The following FRMD4B variants were observed in gnomAD, a reference collection of about 807,000 sequenced individuals.
FRMD4B encodes the protein FERM domain-containing protein 4B.
Under a neutral mutation model 141.5 loss-of-function variants are expected in FRMD4B, and 74 were observed. The ratio of observed to expected loss-of-function variants is 0.52; its 90% CI spans 0.43 to 0.63. FRMD4B has a LOEUF of 0.63. Ranked by LOEUF, FRMD4B falls within the 30% of genes least tolerant of loss-of-function variation. The pLI, the probability that FRMD4B is intolerant of heterozygous loss-of-function variation, is 0.00. For missense variants in FRMD4B, 1,366 were observed against 1,253.4 expected (o/e 1.09, Z -1.36); for synonymous variants, 506 against 467.9 (o/e 1.08, Z -1.05).
At chr3:69,365,426 T>A (rs956115721) in intron 1 of FRMD4B, among the ~76,000 whole-genome samples, 3 of 152,224 alleles carry the variant, frequency 2.0e-5, no homozygotes, top group Non-Finnish European at 4.4e-5. Flanking sequence ...CAGACTGGTA[T>A]AAATCAAAGT....
intron 1 of FRMD4B, chr3:69,541,075 G>C (rs942380355): frequency 6.6e-6 from 1 of 152,160 alleles, no homozygotes; most frequent in Non-Finnish European, 1.5e-5. Context: ...CTTTAGGACG[G>C]GAAACAGCAC....
chr3:69,406,072 C>T (rs991615345), intron 2 of FRMD4B, among the ~76,000 whole-genome samples: 2 of 152,120 alleles, frequency 1.3e-5, no homozygotes, highest in South Asian at 4.1e-4. Flanking sequence ...TTACTGGGGT[C>T]CCATGAATCT....
intron 1 of FRMD4B, chr3:69,536,063 T>C: frequency 4.6e-6 from 2 of 431,862 alleles, no homozygotes; most frequent in South Asian, 4.1e-5. Flanking sequence ...CTTCCTAGCC[T>C]CACCGGGCTG....
intron 1 of FRMD4B, among the ~76,000 whole-genome samples, chr3:69,347,328 G>A (rs1160400988): frequency 1.3e-5 from 2 of 152,232 alleles, no homozygotes; most frequent in Admixed American, 6.5e-5. Context: ...CCAGATTCAT[G>A]AAGCAAGTCC....
Position 69,384,508 on chromosome 3 carries a change from A to C in FRMD4B, c.162+1320T>G, listed in dbSNP as rs1017243415. On this transcript the variant is annotated intron_variant, in intron 1 of 22. Transcript: ENST00000398540. ...AGAGGAAAAAAAAGGCTTGAAAGAC[A>C]GACACACTTCTGGCTCCAAAAAGCC... Among the ~76,000 whole-genome samples the C allele has an allele frequency of 4.7e-4, 72 of 152,392 alleles. 1 individual carries two copies. The highest frequency in any genetic ancestry group is 1.6e-3 in the African/African-American group (67 of 41,598).
intron 1 of FRMD4B, among the ~76,000 whole-genome samples, chr3:69,329,467 A>G (rs1702293772): frequency 6.8e-6 from 1 of 148,146 alleles, no homozygotes; most frequent in Non-Finnish European, 1.5e-5. Flanking sequence ...CTCCTACCTC[A>G]GCCTCCCAAG....
At chr3:69,536,229 T>A in intron 1 of FRMD4B, 1 of 602,246 alleles carries the variant, frequency 1.7e-6, no homozygotes. Flanking sequence ...CTTGGTTTCT[T>A]GGCGTCCTTC....
At chr3:69,199,823 C>T (rs529993040) in intron 11 of FRMD4B, among the ~76,000 whole-genome samples, 1 of 152,196 alleles carries the variant, frequency 6.6e-6, no homozygotes, top group African/African-American at 2.4e-5. Flanking sequence ...TGATAGAAAG[C>T]AGCTCATTCA....
At chr3:69,389,720 G>A (rs1353938973), upstream of FRMD4B, among the ~76,000 whole-genome samples, 1 of 152,100 alleles carries the variant, frequency 6.6e-6, no homozygotes, top group Non-Finnish European at 1.5e-5. Context: ...ACTGCAGTGG[G>A]TGGCAACTGA....
At chr3:69,206,599 C>T (rs2093026424) in intron 11 of FRMD4B, among the ~76,000 whole-genome samples, 1 of 152,184 alleles carries the variant, frequency 6.6e-6, no homozygotes, top group African/African-American at 2.4e-5. Context: ...GTATTTGATG[C>T]CACCAGGGCT....
chr3:69,351,195 T>C (rs1703137664), intron 1 of FRMD4B, among the ~76,000 whole-genome samples: 4 of 152,182 alleles, frequency 2.6e-5, no homozygotes, highest in Admixed American at 2.6e-4. Context: ...CATATATTAA[T>C]GTATAGTTTA....
intron 7 of FRMD4B, among the ~76,000 whole-genome samples, chr3:69,240,765 G>A (rs2093376555): frequency 6.6e-6 from 1 of 152,164 alleles, no homozygotes; most frequent in Admixed American, 6.6e-5. Context: ...TATGTGTTAT[G>A]TTATCACTTA....
chr3:69,221,475 A>C (rs1354549155), intron 9 of FRMD4B, among the ~76,000 whole-genome samples: 1 of 152,164 alleles, frequency 6.6e-6, no homozygotes, highest in Admixed American at 6.5e-5. Flanking sequence ...ATTACTTCCC[A>C]ATGAGATAAG....
At position 69,347,562 on chromosome 3, in the gene FRMD4B, A is replaced by G. The variant is rs772209390; in HGVS notation, c.163-34045T>C. Among the ~76,000 whole-genome samples, 66 of 152,328 alleles carry G rather than the reference A, an allele frequency of 4.3e-4. 1 individual carries two copies. Among genetic ancestry groups the G allele is most frequent in the Admixed American group, 3.5e-3 (53 of 15,300 alleles). ...CAGCACCACATTGCACTTATTCCAA[A>G]ATTGACCACATAGTTGGAAGTAAAG... On this transcript the variant is annotated intron_variant, in intron 1 of 22. Coordinates refer to ENST00000398540, the MANE Select transcript of FRMD4B (RefSeq NM_015123.3).
chr3:69,332,324 A>G (rs1702395995), intron 1 of FRMD4B, among the ~76,000 whole-genome samples: 1 of 152,038 alleles, frequency 6.6e-6, no homozygotes, highest in South Asian at 2.1e-4. Context: ...TTTCACCTCT[A>G]TTTCCTCTTT....
intron 1 of FRMD4B, among the ~76,000 whole-genome samples, chr3:69,440,862 GA>G (rs1705331688): frequency 6.6e-6 from 1 of 152,126 alleles, no homozygotes. Flanking sequence ...GAATGCTGGG[GA>G]TTTTGCTTAG....
chr3:69,354,950 A>G (rs1430022005), intron 1 of FRMD4B, among the ~76,000 whole-genome samples: 1 of 152,084 alleles, frequency 6.6e-6, no homozygotes, highest in Admixed American at 6.6e-5. Flanking sequence ...TCCCAATTGG[A>G]CGGGTTGGAT....
chr3:69,260,126 C>T (rs1350694176), intron 5 of FRMD4B, among the ~76,000 whole-genome samples: 2 of 152,148 alleles, frequency 1.3e-5, no homozygotes, highest in Admixed American at 6.5e-5. Flanking sequence ...AGCCCTCGCT[C>T]GCTCTCGGTG....
At chr3:69,393,521 A>C (rs1027147340) in intron 2 of FRMD4B, among the ~76,000 whole-genome samples, 1 of 152,148 alleles carries the variant, frequency 6.6e-6, no homozygotes, top group African/African-American at 2.4e-5. Context: ...AGGGCTTGCC[A>C]CCTTCTTTAA....
Sources: allele counts gnomAD v4.1 joint callset (sites outside exome capture counted in the v4.1 genomes callset), GRCh38; gene constraint gnomAD v4.1.1; transcripts MANE v1.5; gene names NCBI Gene and HGNC (gene_info 2026-07-23, HGNC 2026-07-21).